ACSM3: variants seen among roughly 807,000 people sequenced by gnomAD.
ACSM3 encodes the protein acyl-CoA synthetase medium chain family member 3.
Under a neutral mutation model 74.1 loss-of-function variants are expected in ACSM3, and 61 were observed. That is an observed-to-expected ratio of 0.82 (90% CI 0.67 to 1.02). The LOEUF (loss-of-function observed/expected upper bound fraction) is 1.02, where lower values mean the gene tolerates loss of function less well. ACSM3 is among the 50% of genes least tolerant of loss of function. ACSM3 has a pLI of 0.00. For missense variants in ACSM3, 660 were observed against 697.0 expected, an observed-to-expected ratio of 0.95 and a Z score of 0.60; for synonymous variants, 213 against 241.5, an observed-to-expected ratio of 0.88 and a Z score of 1.09.
chr16:20,796,539 C>T lies in ACSM3; in HGVS notation c.1674+50C>T, dbSNP rs748855514. ...ATTTGCTCAGTGTTGTGGACAATTT[C>T]AAGTGTTTATTTTTACATTTTAATG... On this transcript the variant is annotated intron_variant, in intron 13 of 13. Coordinates refer to ENST00000289416, the MANE Select transcript of ACSM3 (RefSeq NM_005622.4). 5 of 1,596,526 alleles carry T rather than the reference C, an allele frequency of 3.1e-6. No homozygotes were observed. In the South Asian group the frequency reaches 5.7e-5, roughly 18 times the overall value.
chr16:20,771,371 CTTTT>C (rs57406215), intron 2 of ACSM3, among the ~76,000 whole-genome samples: 1 of 85,266 alleles, frequency 1.2e-5, no homozygotes, highest in Non-Finnish European at 2.3e-5. Flanking sequence ...GGCCGAGCTC[CTTTT>C]TTTTTTTTTT....
chr16:20,765,728 C>T lies in ACSM3; in HGVS notation c.-52+1603C>T, dbSNP rs115743480. 6.9e-3 allele frequency among the ~76,000 whole-genome samples: 1,050 copies of T among 152,214 alleles called. 19 individuals are homozygous for T. Among genetic ancestry groups the T allele is most frequent in the African/African-American group, 0.023 (955 of 41,542 alleles). ...TAAATACACGGGTAATGAATAAATG[C>T]GTTGTCCAATTTAAATATGTGTGTC... is the stretch of plus-strand genomic sequence containing the variant. On this transcript the variant is annotated intron_variant, in intron 1 of 13. Coordinates refer to ENST00000289416, the MANE Select transcript of ACSM3 (RefSeq NM_005622.4).
chr16:20,765,151 G>T (rs1296551370), intron 1 of ACSM3, among the ~76,000 whole-genome samples: 2 of 152,262 alleles, frequency 1.3e-5, no homozygotes, highest in African/African-American at 4.8e-5. Flanking sequence ...TCTGACCAGG[G>T]GTGGTACTGT....
In ACSM3 at chr16:20,709,489, A is replaced by G. The variant is rs180949519; in HGVS notation, c.-190+34667A>G. Among the ~76,000 whole-genome samples the G allele has an allele frequency of 3.3e-3, 496 of 152,324 alleles. 1 individual carries two copies. Among genetic ancestry groups the G allele is most frequent in the African/African-American group, 0.012 (480 of 41,578 alleles). The stretch of plus-strand genomic sequence containing the variant: ...AAGCCTAAGATATTTGCTATCTGAA[A>G]ACCACTAGAAGAAAACTGCCCCTAA... On this transcript the variant is annotated intron_variant, in intron 1 of 3. Coordinates refer to the ACSM3 transcript ENST00000561584.
At chr16:20,753,861 GAAAGAGAAAGA>G (rs2080007215) in intron 2 of ACSM3, among the ~76,000 whole-genome samples, 1 of 134,282 alleles carries the variant, frequency 7.4e-6, no homozygotes, top group Non-Finnish European at 1.6e-5. Context: ...ATGAAAAGAA[GAAAGAGAAAGA>G]AAAGAGAGAG....
intron 1 of ACSM3, among the ~76,000 whole-genome samples, chr16:20,707,238 C>T (rs1321841163): frequency 1.1e-4 from 16 of 152,164 alleles, no homozygotes; most frequent in African/African-American, 3.4e-4. Context: ...AGCTACAGAT[C>T]GAGAGCATGG....
At chr16:20,772,474 G>A (rs979144453) in intron 2 of ACSM3, among the ~76,000 whole-genome samples, 9 of 151,844 alleles carry the variant, frequency 5.9e-5, no homozygotes, top group African/African-American at 1.2e-4. Flanking sequence ...TATTTTCTTC[G>A]GTTGTTTTAT....
At position 20,792,306 on chromosome 16, in the gene ACSM3, G is replaced by T. The variant is rs1276000321; in HGVS notation, c.1525G>T (p.Val509Phe). The change falls in exon 12 of 14, where the codon GTC becomes TTC. Residue 509 changes from valine to phenylalanine, a missense_variant. By Grantham distance (50) the Val-to-Phe change is conservative (BLOSUM62 -1). Coordinates refer to ENST00000289416, the MANE Select transcript of ACSM3 (RefSeq NM_005622.4). ...EHPSVAESAV[V>F]SSPDPIRGEV... ...CCCTTCAGTTGCAGAGTCAGCTGTTGTCAGCAGCCCAGACCCCATCAGAGG... is the reference window on the plus strand; with the variant it reads ...CCCTTCAGTTGCAGAGTCAGCTGTTTTCAGCAGCCCAGACCCCATCAGAGG... 1.9e-6 allele frequency: 3 copies of T among 1,614,072 alleles called. No individual in the cohort carries two copies. Among genetic ancestry groups the T allele is most frequent in the Non-Finnish European group, 2.5e-6 (3 of 1,179,946 alleles).
intron 1 of ACSM3, among the ~76,000 whole-genome samples, chr16:20,742,698 C>T (rs62033320): frequency 0.16 from 23,763 of 150,562 alleles, 2,529 homozygotes; most frequent in East Asian, 0.42. Flanking sequence ...TCTTGAGACC[C>T]CTCCTCCTCT....
intron 1 of ACSM3, among the ~76,000 whole-genome samples, chr16:20,743,263 G>A (rs1371557377): frequency 6.6e-6 from 1 of 151,736 alleles, no homozygotes; most frequent in African/African-American, 2.4e-5. Context: ...TTTTCCCCTC[G>A]CGCATTTCCC....
intron 2 of ACSM3, among the ~76,000 whole-genome samples, chr16:20,771,030 T>C (rs1402899189): frequency 6.6e-6 from 1 of 152,198 alleles, no homozygotes; most frequent in Non-Finnish European, 1.5e-5. Flanking sequence ...AACCTCTTTC[T>C]ATGCTCCTCT....
At chr16:20,711,544 G>A in intron 1 of ACSM3, 1 of 1,426,464 alleles carries the variant, frequency 7.0e-7, no homozygotes, top group South Asian at 1.2e-5. Context: ...AGCATCCAAG[G>A]CCAAGTGCAT....
At chr16:20,700,945 T>G (rs1458878931) in intron 1 of ACSM3, among the ~76,000 whole-genome samples, 1 of 152,108 alleles carries the variant, frequency 6.6e-6, no homozygotes, top group Non-Finnish European at 1.5e-5. Flanking sequence ...GTAATGACGG[T>G]GGCTCAGACA....
At chr16:20,701,807 C>T (rs1229338325) in intron 1 of ACSM3, among the ~76,000 whole-genome samples, 1 of 152,136 alleles carries the variant, frequency 6.6e-6, no homozygotes, top group African/African-American at 2.4e-5. Flanking sequence ...GTTTTCTGTT[C>T]CTGTGTTAGT....
chr16:20,702,031 G>T (rs925348490), intron 1 of ACSM3, among the ~76,000 whole-genome samples: 1 of 152,178 alleles, frequency 6.6e-6, no homozygotes, highest in Non-Finnish European at 1.5e-5. Flanking sequence ...ATAGTAGAAT[G>T]ATTTCTAATC....
chr16:20,687,221 C>T (rs2079570086), intron 1 of ACSM3, among the ~76,000 whole-genome samples: 1 of 151,986 alleles, frequency 6.6e-6, no homozygotes. Flanking sequence ...TCTCTGAAAG[C>T]AGTGGTGGGT....
At chr16:20,753,651 A>G (rs1400433017) in intron 2 of ACSM3, among the ~76,000 whole-genome samples, 2 of 152,126 alleles carry the variant, frequency 1.3e-5, no homozygotes, top group Non-Finnish European at 2.9e-5. Context: ...GAGAAGAGGT[A>G]CAGATATACA....
intron 1 of ACSM3, among the ~76,000 whole-genome samples, chr16:20,692,826 G>C (rs1384102264): frequency 6.6e-6 from 1 of 152,136 alleles, no homozygotes; most frequent in Non-Finnish European, 1.5e-5. Flanking sequence ...TTTATGGTTT[G>C]TAGGGCATAA....
chr16:20,702,135 C>T (rs2079714448), intron 1 of ACSM3, among the ~76,000 whole-genome samples: 1 of 152,198 alleles, frequency 6.6e-6, no homozygotes, highest in East Asian at 1.9e-4. Flanking sequence ...TCCACAATAA[C>T]TGAACTAATT....
Sources: allele counts gnomAD v4.1 joint callset (sites outside exome capture counted in the v4.1 genomes callset), GRCh38; gene constraint gnomAD v4.1.1; transcripts MANE v1.5; gene names NCBI Gene and HGNC (gene_info 2026-07-23, HGNC 2026-07-21).